EYS: variants seen among roughly 807,000 people sequenced by gnomAD.
EYS encodes the protein protein eyes shut homolog.
In EYS, 250 loss-of-function variants were observed where a neutral mutation model predicts 282.1. That is an observed-to-expected ratio of 0.89 (90% CI 0.80 to 0.98). The LOEUF (loss-of-function observed/expected upper bound fraction) is 0.98. Among genes scored for constraint, EYS ranks in the 50% least tolerant of loss-of-function variants. The pLI, the probability that EYS is intolerant of heterozygous loss-of-function variation, is 0.00. For missense variants in EYS, 4,016 were observed against 3,709.0 expected (o/e 1.08, Z -2.15); for synonymous variants, 1,355 against 1,282.9 (o/e 1.06, Z -1.20).
intron 11 of EYS, among the ~76,000 whole-genome samples, chr6:65,300,510 G>T (rs1768790226): frequency 6.6e-6 from 1 of 151,860 alleles, no homozygotes; most frequent in Non-Finnish European, 1.5e-5. Context: ...TCTCTTCTTT[G>T]TATTTCCTCT....
chr6:64,834,005 T>C (rs1335503282), intron 19 of EYS, among the ~76,000 whole-genome samples: 1 of 151,848 alleles, frequency 6.6e-6, no homozygotes, highest in Non-Finnish European at 1.5e-5. Flanking sequence ...CTTGATGAAA[T>C]TTAAGGATTT....
At chr6:64,791,835 T>C (rs948788171) in intron 22 of EYS, among the ~76,000 whole-genome samples, 4 of 151,934 alleles carry the variant, frequency 2.6e-5, no homozygotes, top group African/African-American at 7.2e-5. Flanking sequence ...AATTAGAATA[T>C]ACATAAAACA....
intron 15 of EYS, among the ~76,000 whole-genome samples, chr6:64,924,521 A>C (rs1196557239): frequency 6.6e-6 from 1 of 152,194 alleles, no homozygotes; most frequent in Non-Finnish European, 1.5e-5. Flanking sequence ...TTCTCCCCAG[A>C]AAAAGGGTTT....
chr6:65,516,371 T>C (rs1028924792), intron 2 of EYS, among the ~76,000 whole-genome samples: 1 of 152,096 alleles, frequency 6.6e-6, no homozygotes, highest in African/African-American at 2.4e-5. Flanking sequence ...GCTATTTAAG[T>C]ACTTTTAATG....
intron 19 of EYS, among the ~76,000 whole-genome samples, chr6:64,825,793 T>A (rs1193650330): frequency 1.3e-5 from 2 of 151,870 alleles, no homozygotes; most frequent in Non-Finnish European, 2.9e-5. Flanking sequence ...TGGTTCACAA[T>A]GATCTCCCAC....
At chr6:65,557,920 T>C (rs932493173) in intron 2 of EYS, among the ~76,000 whole-genome samples, 5 of 152,034 alleles carry the variant, frequency 3.3e-5, no homozygotes, top group Non-Finnish European at 7.4e-5. Context: ...TGTCTGAATC[T>C]GGCTGAGTCC....
rs1225014235 is a variant in EYS, at chr6:64,590,479, A to G, written c.5388T>C (p.Val1796=). The part of the protein sequence containing the change: ...EVTTNVAFYT[V]SATPALSIQT... ...GTATTGAAAGTGCTGGAGTTGCTGA[A>G]ACTGTATAAAATGCAACATTGGTGG... Residue 1796 remains valine, a synonymous_variant, in exon 26 of 43, where the codon GTT becomes GTC. Coordinates refer to ENST00000503581, the MANE Select transcript of EYS (RefSeq NM_001142800.2). The G allele has an allele frequency of 1.9e-6, 3 of 1,551,304 alleles. No homozygotes were observed. Among genetic ancestry groups the G allele is most frequent in the Admixed American group, 3.9e-5 (2 of 50,956 alleles).
intron 22 of EYS, among the ~76,000 whole-genome samples, chr6:64,675,188 A>T (rs1769608392): frequency 6.6e-6 from 1 of 152,028 alleles, no homozygotes; most frequent in Non-Finnish European, 1.5e-5. Flanking sequence ...CAAGTCATGT[A>T]TAGTATACAT....
chr6:64,507,223 A>C (rs1777240596), intron 26 of EYS, among the ~76,000 whole-genome samples: 1 of 152,066 alleles, frequency 6.6e-6, no homozygotes, highest in South Asian at 2.1e-4. Context: ...TCTAGGGTAC[A>C]TGTGCACAAC....
intron 22 of EYS, among the ~76,000 whole-genome samples, chr6:64,762,307 C>A (rs1172973226): frequency 6.6e-6 from 1 of 152,162 alleles, no homozygotes; most frequent in East Asian, 1.9e-4. Flanking sequence ...TTGCAGAAGG[C>A]AAAAGCTAAC....
intron 22 of EYS, among the ~76,000 whole-genome samples, chr6:64,804,540 A>G (rs1764365259): frequency 6.6e-6 from 1 of 152,150 alleles, no homozygotes; most frequent in African/African-American, 2.4e-5. Context: ...ATATGGTTAA[A>G]TTGTCTACTT....
chr6:64,481,186 C>T (rs1776426371), intron 26 of EYS, among the ~76,000 whole-genome samples: 1 of 147,444 alleles, frequency 6.8e-6, no homozygotes, highest in Admixed American at 6.8e-5. Flanking sequence ...TGCAAACAGC[C>T]AAAAAATCAT....
At chr6:64,365,057 G>C (rs1451261988) in intron 29 of EYS, among the ~76,000 whole-genome samples, 3 of 151,812 alleles carry the variant, frequency 2.0e-5, no homozygotes, top group Non-Finnish European at 4.4e-5. Flanking sequence ...TCAAGGAAAA[G>C]TAAACATGAT....
intron 12 of EYS, among the ~76,000 whole-genome samples, chr6:65,141,927 G>A (rs1398061910): frequency 6.6e-6 from 1 of 151,926 alleles, no homozygotes; most frequent in Non-Finnish European, 1.5e-5. Context: ...AAAAATTTTT[G>A]AGGAAGTTTG....
intron 30 of EYS, among the ~76,000 whole-genome samples, chr6:64,305,982 A>T (rs563393583): frequency 6.6e-6 from 1 of 152,334 alleles, no homozygotes; most frequent in Non-Finnish European, 1.5e-5. Flanking sequence ...CATATATCTG[A>T]TAAGGGATTA....
intron 22 of EYS, among the ~76,000 whole-genome samples, chr6:64,751,873 C>T (rs959844716): frequency 6.6e-6 from 1 of 152,134 alleles, no homozygotes; most frequent in Non-Finnish European, 1.5e-5. Context: ...CCACACAAGG[C>T]TATCTGTAAC....
chr6:63,935,030 T>G (rs1765016090), intron 35 of EYS, among the ~76,000 whole-genome samples: 1 of 152,354 alleles, frequency 6.6e-6, no homozygotes, highest in South Asian at 2.1e-4. Flanking sequence ...CATTATCTAC[T>G]TAATAAAATC....
chr6:65,145,552 AAT>A (rs1764457419), intron 12 of EYS, among the ~76,000 whole-genome samples: 1 of 152,004 alleles, frequency 6.6e-6, no homozygotes, highest in Non-Finnish European at 1.5e-5. Context: ...ATGCCTAATT[AAT>A]ATAAGTGACA....
At chr6:64,966,799 C>T (rs1770109003) in intron 14 of EYS, among the ~76,000 whole-genome samples, 1 of 152,180 alleles carries the variant, frequency 6.6e-6, no homozygotes, top group African/African-American at 2.4e-5. Flanking sequence ...ATAATGTCCT[C>T]AATATCCTTA....
Sources: gnomAD v4.1 joint callset for allele counts (sites outside exome capture counted in the v4.1 genomes callset) on GRCh38, gnomAD v4.1.1 for gene constraint, MANE v1.5 for transcripts, NCBI Gene and HGNC (gene_info 2026-07-23, HGNC 2026-07-21) for gene names.